Variants in ROBO2 observed in about 807,000 individuals in gnomAD.
The protein encoded by ROBO2 is roundabout guidance receptor 2, also known as roundabout homolog 2.
In ROBO2, 53 loss-of-function variants were observed where a neutral mutation model predicts 160.8. That is an observed-to-expected ratio of 0.33 (90% CI 0.26 to 0.41). The LOEUF (loss-of-function observed/expected upper bound fraction) is 0.41, where lower values mean the gene tolerates loss of function less well. ROBO2 is among the 10% of genes least tolerant of loss of function. The probability of loss-of-function intolerance (pLI) is 1.00; values close to 1 mark genes in which losing one functional copy is unlikely to be tolerated. For synonymous variants in ROBO2, 664 were observed against 611.7 expected, an observed-to-expected ratio of 1.09 and a Z score of -1.26; for missense variants, 1,577 against 1,722.4, an observed-to-expected ratio of 0.92 and a Z score of 1.49.
intron 2 of ROBO2, among the ~76,000 whole-genome samples, chr3:76,025,351 G>A (rs558894486): frequency 2.4e-4 from 37 of 151,790 alleles, no homozygotes; most frequent in African/African-American, 8.7e-4. Flanking sequence ...TATTGGGAAA[G>A]ATAGCTAGAG....
chr3:76,789,238 T>C (rs566462500), intron 2 of ROBO2, among the ~76,000 whole-genome samples: 1 of 151,606 alleles, frequency 6.6e-6, no homozygotes, highest in Admixed American at 6.6e-5. Context: ...TGTCCTCTAT[T>C]GTCTATGTGT....
intron 2 of ROBO2, among the ~76,000 whole-genome samples, chr3:76,316,596 A>T (rs1264968404): frequency 6.6e-6 from 1 of 152,168 alleles, no homozygotes; most frequent in Non-Finnish European, 1.5e-5. Flanking sequence ...TTTGTACAGT[A>T]GAGGTCCTGA....
At chr3:76,048,662 T>C (rs772416504) in intron 2 of ROBO2, among the ~76,000 whole-genome samples, 5 of 152,050 alleles carry the variant, frequency 3.3e-5, no homozygotes, top group Admixed American at 2.0e-4. Flanking sequence ...GATTCATAGG[T>C]GAATCACAAC....
Position 76,250,295 on chromosome 3 carries a change from C to CT in ROBO2, c.109+312695dup, listed in dbSNP as rs565283046. ...TGTAAATAATAGTTTACTGAGATTA[C>CT]TTGATGATCCTTTTGGGAACAAATA... On this transcript the variant is annotated intron_variant, in intron 2 of 26. Coordinates refer to the ROBO2 transcript ENST00000487694. 1.4e-4 allele frequency among the ~76,000 whole-genome samples: 22 copies of CT among 152,106 alleles called. No individual in the cohort carries two copies. The South Asian group carries it at 2.7e-3, about 19-fold the overall frequency.
chr3:75,939,422 T>A, intron 2 of ROBO2, among the ~76,000 whole-genome samples: 1 of 152,204 alleles, frequency 6.6e-6, no homozygotes, highest in Non-Finnish European at 1.5e-5. Context: ...AAATATTCTA[T>A]CTTTCATTGG....
At chr3:77,391,214 G>A (rs562560179) in intron 2 of ROBO2, among the ~76,000 whole-genome samples, 1 of 152,174 alleles carries the variant, frequency 6.6e-6, no homozygotes, top group South Asian at 2.1e-4. Context: ...CTAAAAAATT[G>A]CTTATAACCT....
chr3:76,165,053 C>G (rs2072775338), intron 2 of ROBO2, among the ~76,000 whole-genome samples: 1 of 59,368 alleles, frequency 1.7e-5, no homozygotes, highest in Non-Finnish European at 3.4e-5. Context: ...AACATACAGT[C>G]TACATATTTT....
At chr3:76,994,469 G>C (rs2060874096) in intron 2 of ROBO2, among the ~76,000 whole-genome samples, 1 of 152,142 alleles carries the variant, frequency 6.6e-6, no homozygotes, top group African/African-American at 2.4e-5. Context: ...ACTCTGAAAT[G>C]ATTGCAATGA....
intron 2 of ROBO2, among the ~76,000 whole-genome samples, chr3:76,492,065 T>C (rs1044854981): frequency 2.0e-5 from 3 of 151,992 alleles, no homozygotes; most frequent in Non-Finnish European, 4.4e-5. Flanking sequence ...TTCAATGAGC[T>C]GAGATCGTGC....
intron 2 of ROBO2, among the ~76,000 whole-genome samples, chr3:76,114,794 G>C (rs942697836): frequency 2.6e-5 from 4 of 152,092 alleles, no homozygotes; most frequent in Admixed American, 6.6e-5. Context: ...ACAGTATCAA[G>C]TTTTACAAAA....
chr3:76,207,359 A>C (rs547745154), intron 2 of ROBO2, among the ~76,000 whole-genome samples: 1 of 152,264 alleles, frequency 6.6e-6, no homozygotes, highest in Non-Finnish European at 1.5e-5. Context: ...TCATAGTATG[A>C]CCTGGACAAT....
At chr3:77,059,595 G>A (rs2066089176) in intron 1 of ROBO2, among the ~76,000 whole-genome samples, 1 of 152,158 alleles carries the variant, frequency 6.6e-6, no homozygotes, top group Non-Finnish European at 1.5e-5. Context: ...ATTTACTATT[G>A]ATGTTGGGCT....
chr3:77,430,864 G>T (rs1445836508), intron 2 of ROBO2, among the ~76,000 whole-genome samples: 1 of 152,158 alleles, frequency 6.6e-6, no homozygotes, highest in African/African-American at 2.4e-5. Context: ...GCTAGTTGAT[G>T]ATCTCAAGAT....
At chr3:77,529,829 T>C (rs951151415) in intron 6 of ROBO2, among the ~76,000 whole-genome samples, 3 of 151,916 alleles carry the variant, frequency 2.0e-5, no homozygotes, top group Non-Finnish European at 4.4e-5. Context: ...TAAAGAACTA[T>C]ACTTTAAACT....
In ROBO2 at chr3:77,040,944, A is replaced by T. The variant is rs201371721; in HGVS notation, c.61+98A>T. 2.0e-6 allele frequency: 3 copies of T among 1,511,208 alleles called. No individual in the cohort carries two copies. In the East Asian group the frequency reaches 6.8e-5, roughly 34 times the overall value. The allele number at this position is 1,511,208 out of a possible 1,614,324, so 93.6% of individuals were successfully genotyped here. ...TTTGATGTGGGTTATAAATGAAATG[A>T]CATTATGTCTGTTAGTCCGTTTTGG... On this transcript the variant is annotated intron_variant, in intron 1 of 25. Transcript: ENST00000461745.
intron 2 of ROBO2, among the ~76,000 whole-genome samples, chr3:76,899,951 T>C (rs1034066002): frequency 6.6e-6 from 1 of 152,188 alleles, no homozygotes; most frequent in African/African-American, 2.4e-5. Flanking sequence ...TAGTCTGTTT[T>C]CACACTGCTG....
intron 2 of ROBO2, among the ~76,000 whole-genome samples, chr3:76,771,442 T>C (rs532970045): frequency 6.6e-6 from 1 of 151,418 alleles, no homozygotes; most frequent in East Asian, 2.0e-4. Flanking sequence ...TGGTTTTTCT[T>C]CCTATGTTTT....
chr3:77,123,748 TC>T (rs1196083794), intron 2 of ROBO2, among the ~76,000 whole-genome samples: 2 of 117,154 alleles, frequency 1.7e-5, no homozygotes, highest in African/African-American at 3.3e-5. Flanking sequence ...AGATATATAA[TC>T]TATATAGATA....
chr3:75,948,367 G>A (rs1454466610), intron 2 of ROBO2, among the ~76,000 whole-genome samples: 4 of 152,014 alleles, frequency 2.6e-5, no homozygotes, highest in Non-Finnish European at 5.9e-5. Context: ...CTCCTGATGA[G>A]GAGAATGCTA....
Sources: allele counts gnomAD v4.1 joint callset (sites outside exome capture counted in the v4.1 genomes callset), GRCh38; gene constraint gnomAD v4.1.1; transcripts MANE v1.5; gene names NCBI Gene and HGNC (gene_info 2026-07-23, HGNC 2026-07-21).